The following SGCZ variants were observed in gnomAD, a reference collection of about 807,000 sequenced individuals.
SGCZ encodes sarcoglycan zeta.
Under a neutral mutation model 41.3 loss-of-function variants are expected in SGCZ, and 40 were observed. The ratio of observed to expected loss-of-function variants is 0.97; its 90% CI spans 0.75 to 1.26. The LOEUF is 1.26. SGCZ is among the 50% of genes most tolerant of loss of function. The pLI, the probability that SGCZ is intolerant of heterozygous loss-of-function variation, is 0.00. For synonymous variants in SGCZ, 206 were observed against 137.5 expected, an observed-to-expected ratio of 1.50 and a Z score of -3.49; for missense variants, 552 against 369.8, an observed-to-expected ratio of 1.49 and a Z score of -4.04.
chr8:14,614,149 T>C (rs1268667064), intron 1 of SGCZ, among the ~76,000 whole-genome samples: 2 of 152,182 alleles, frequency 1.3e-5, no homozygotes, highest in African/African-American at 2.4e-5. Flanking sequence ...ATTTCCCTAA[T>C]GTCCGTTGCT....
chr8:14,844,679 T>C (rs1047179912), intron 1 of SGCZ, among the ~76,000 whole-genome samples: 2 of 152,152 alleles, frequency 1.3e-5, no homozygotes, highest in African/African-American at 2.4e-5. Flanking sequence ...AACAAACATA[T>C]TTTTAAAACC....
chr8:14,679,901 T>C (rs11988305), intron 1 of SGCZ, among the ~76,000 whole-genome samples: 51,692 of 151,890 alleles, frequency 0.34, 11,215 homozygotes, highest in African/African-American at 0.62. Flanking sequence ...TTTTTAACTT[T>C]AAATAATTTT....
rs148742314 is a variant in SGCZ at position 15,232,759 on chromosome 8, A to G, written c.39+4826T>C. ...TATATGTGTGTATATATATACATAT[A>G]TATGTGTGTATATATATACATATAT... On this transcript the variant is annotated intron_variant, in intron 1 of 7. Transcript: ENST00000382080. Among the ~76,000 whole-genome samples the G allele has an allele frequency of 9.7e-4, 138 of 141,598 alleles. 1 individual carries two copies. Among genetic ancestry groups the G allele is most frequent in the African/African-American group, 3.6e-3 (134 of 37,474 alleles). 92.9% of individuals were successfully genotyped at this position (141,598 alleles called of 152,430 possible). A position where few individuals can be genotyped will look rare whatever the true frequency, so the allele number is the denominator to read the frequency against.
chr8:14,997,925 A>C (rs1378785532), intron 1 of SGCZ, among the ~76,000 whole-genome samples: 1 of 151,970 alleles, frequency 6.6e-6, no homozygotes, highest in Non-Finnish European at 1.5e-5. Context: ...GTGCCACTGC[A>C]CTCCAGCCTG....
rs140914722 is a variant in SGCZ at position 14,790,887 on chromosome 8, G to A, written c.40-235961C>T. Among the ~76,000 whole-genome samples the A allele has an allele frequency of 1.5e-3, 232 of 151,764 alleles. 2 individuals are homozygous for A. The highest frequency in any genetic ancestry group is 0.01 in the Middle Eastern group (3 of 292). On this transcript the variant is annotated intron_variant, in intron 1 of 7. Coordinates refer to ENST00000382080, the MANE Select transcript of SGCZ (RefSeq NM_139167.4). The stretch of plus-strand genomic sequence containing the variant: ...CTCTACTAAAAATACAAAAATTTGC[G>A]CAGGGTGGTGGTGCGCATCTGTAAT...
intron 1 of SGCZ, among the ~76,000 whole-genome samples, chr8:14,995,457 T>C (rs944089502): frequency 1.3e-5 from 2 of 152,170 alleles, no homozygotes; most frequent in Non-Finnish European, 2.9e-5. Context: ...TTTCAGATAT[T>C]TGAAAGGACA....
At chr8:15,086,757 T>A (rs1457635362) in intron 1 of SGCZ, among the ~76,000 whole-genome samples, 2 of 152,174 alleles carry the variant, frequency 1.3e-5, no homozygotes, top group African/African-American at 4.8e-5. Flanking sequence ...TTTTCAAATA[T>A]AAGGATTCTT....
At chr8:14,294,456 C>A (rs561738078) in intron 3 of SGCZ, among the ~76,000 whole-genome samples, 1 of 151,888 alleles carries the variant, frequency 6.6e-6, no homozygotes, top group East Asian at 1.9e-4. Flanking sequence ...TAGAAACATT[C>A]TAGAAGAAAA....
At chr8:14,227,631 G>T (rs1285159764) in intron 4 of SGCZ, among the ~76,000 whole-genome samples, 2 of 152,028 alleles carry the variant, frequency 1.3e-5, no homozygotes, top group Non-Finnish European at 2.9e-5. Flanking sequence ...CTGATTAAGG[G>T]ATTCATAACA....
chr8:15,006,586 A>G (rs779136683), intron 1 of SGCZ, among the ~76,000 whole-genome samples: 3 of 152,200 alleles, frequency 2.0e-5, no homozygotes, highest in Non-Finnish European at 4.4e-5. Context: ...CTGCTGCTCA[A>G]AAGTCCCCCA....
At chr8:15,217,722 T>C (rs951841515) in intron 1 of SGCZ, among the ~76,000 whole-genome samples, 1 of 152,234 alleles carries the variant, frequency 6.6e-6, no homozygotes, top group African/African-American at 2.4e-5. Context: ...CCTATCTACT[T>C]ATACAAATTA....
chr8:14,925,693 C>A (rs954670642), intron 1 of SGCZ, among the ~76,000 whole-genome samples: 4 of 152,136 alleles, frequency 2.6e-5, no homozygotes, highest in Admixed American at 6.5e-5. Context: ...GGTTTGAGTC[C>A]CTCAGACACG....
At chr8:15,097,839 T>C (rs1806419871) in intron 1 of SGCZ, among the ~76,000 whole-genome samples, 1 of 9,936 alleles carries the variant, frequency 1.0e-4, no homozygotes, top group African/African-American at 1.5e-4. Flanking sequence ...TATATACGTG[T>C]GTGTATATAT....
At position 14,434,959 on chromosome 8, in the gene SGCZ, T is replaced by G. The variant is rs551550030; in HGVS notation, c.235-110755A>C. Among the ~76,000 whole-genome samples, 7 of 152,176 alleles carry G rather than the reference T, an allele frequency of 4.6e-5. No individual in the cohort carries two copies. The East Asian group carries it at 1.4e-3, about 30-fold the overall frequency. Reference sequence around the variant, plus strand: ...TCTTTTGGGGAGTTGATCTTAGACTTCTCAGCCTCCAAAATGGTAAGAAAT... The same window carrying G: ...TCTTTTGGGGAGTTGATCTTAGACTGCTCAGCCTCCAAAATGGTAAGAAAT... On this transcript the variant is annotated intron_variant, in intron 2 of 7. Coordinates refer to ENST00000382080, the MANE Select transcript of SGCZ (RefSeq NM_139167.4).
intron 5 of SGCZ, among the ~76,000 whole-genome samples, chr8:14,128,608 C>G (rs761338441): frequency 1.3e-5 from 2 of 152,108 alleles, no homozygotes; most frequent in Non-Finnish European, 2.9e-5. Context: ...TACATGTTTA[C>G]TGCAGCACTA....
chr8:14,747,369 G>C (rs950242664), intron 1 of SGCZ, among the ~76,000 whole-genome samples: 6 of 152,122 alleles, frequency 3.9e-5, no homozygotes, highest in African/African-American at 1.4e-4. Flanking sequence ...GGAGTTACTG[G>C]TGGCCTGGCC....
intron 1 of SGCZ, among the ~76,000 whole-genome samples, chr8:14,974,071 C>T (rs1801384597): frequency 6.6e-6 from 1 of 152,112 alleles, no homozygotes; most frequent in Non-Finnish European, 1.5e-5. Flanking sequence ...AAATCATTAT[C>T]GAATGCTTGA....
intron 1 of SGCZ, among the ~76,000 whole-genome samples, chr8:14,999,968 T>C (rs528554278): frequency 1.3e-5 from 2 of 152,300 alleles, no homozygotes; most frequent in African/African-American, 4.8e-5. Context: ...CATACGTGGA[T>C]GCTCACACTC....
At chr8:14,215,873 G>T (rs1472227937) in intron 4 of SGCZ, among the ~76,000 whole-genome samples, 1 of 152,314 alleles carries the variant, frequency 6.6e-6, no homozygotes, top group African/African-American at 2.4e-5. Context: ...AGATGGTGCC[G>T]GGTGCAACCC....
Sources: gnomAD v4.1 joint callset for allele counts (sites outside exome capture counted in the v4.1 genomes callset) on GRCh38, gnomAD v4.1.1 for gene constraint, MANE v1.5 for transcripts, NCBI Gene and HGNC (gene_info 2026-07-23, HGNC 2026-07-21) for gene names.